Variants in WHRN observed in about 807,000 individuals in gnomAD.
WHRN encodes the protein CASK-interacting protein CIP98.
WHRN carries 41 observed loss-of-function variants against 68.3 expected under a neutral mutation model. The observed-to-expected ratio is 0.60, with a 90% CI of 0.47 to 0.78. WHRN has a LOEUF of 0.78. WHRN is among the 30% of genes least tolerant of loss of function. The pLI is 0.00. For missense variants in WHRN, 1,243 were observed against 1,244.7 expected (o/e 1.00, Z 0.02); for synonymous variants, 560 against 561.3 (o/e 1.00, Z 0.03).
At chr9:114,431,331 G>A (rs1251993645) in intron 3 of WHRN, among the ~76,000 whole-genome samples, 4 of 152,230 alleles carry the variant, frequency 2.6e-5, no homozygotes, top group Non-Finnish European at 4.4e-5. Flanking sequence ...GACACATCAG[G>A]CTTTCCATGG....
rs76820775 is a variant in WHRN at position 114,486,693 on chromosome 9, A to G, written c.619-7922T>C. Among the ~76,000 whole-genome samples the G allele has an allele frequency of 4.6e-4, 70 of 152,012 alleles. 1 individual carries two copies. The East Asian group carries it at 0.012, about 26-fold the overall frequency. ...ATGGAATTTGGAGAGACAAGTGAAG[A>G]AAGTGTGGTTAAGAGCCACAGCCCT... On this transcript the variant is annotated intron_variant, in intron 1 of 11. Coordinates refer to ENST00000362057, the MANE Select transcript of WHRN (RefSeq NM_015404.4).
intron 3 of WHRN, among the ~76,000 whole-genome samples, chr9:114,441,852 A>G (rs1838401525): frequency 6.6e-6 from 1 of 152,234 alleles, no homozygotes; most frequent in Non-Finnish European, 1.5e-5. Flanking sequence ...CAGAATATTT[A>G]CAGTCTCAAA....
chr9:114,426,457 G>A (rs1836870742), intron 3 of WHRN, 44 bp from the exon 4 acceptor site: 6 of 1,608,460 alleles, frequency 3.7e-6, no homozygotes, highest in Middle Eastern at 1.7e-4. Flanking sequence ...GCTGTTTGCA[G>A]GATTCACACT....
At chr9:114,433,192 C>T (rs538825668) in intron 3 of WHRN, among the ~76,000 whole-genome samples, 20 of 152,348 alleles carry the variant, frequency 1.3e-4, no homozygotes, top group African/African-American at 4.6e-4. Flanking sequence ...GGGCTTTAGG[C>T]CATGCACTCA....
At chr9:114,494,110 T>C (rs1843247949) in intron 1 of WHRN, among the ~76,000 whole-genome samples, 1 of 152,208 alleles carries the variant, frequency 6.6e-6, no homozygotes, top group Admixed American at 6.5e-5. Context: ...CGGGGGGGTA[T>C]GGTGAAGTGT....
chr9:114,481,804 G>A (rs1842111740), intron 1 of WHRN, among the ~76,000 whole-genome samples: 1 of 152,264 alleles, frequency 6.6e-6, no homozygotes, highest in African/African-American at 2.4e-5. Flanking sequence ...ACAGGCTGCA[G>A]CCTGGTGAGA....
chr9:114,436,227 G>A (rs1255369406), intron 3 of WHRN, among the ~76,000 whole-genome samples: 1 of 152,208 alleles, frequency 6.6e-6, no homozygotes, highest in East Asian at 1.9e-4. Context: ...CTCAGGGAAG[G>A]ATGAGAAGTA....
chr9:114,437,612 C>T (rs1837976321), intron 3 of WHRN, among the ~76,000 whole-genome samples: 1 of 152,144 alleles, frequency 6.6e-6, no homozygotes, highest in South Asian at 2.1e-4. Flanking sequence ...AGGGTTGGTG[C>T]CCTTTATAAG....
At chr9:114,452,756 GC>G (rs1213323676) in intron 3 of WHRN, among the ~76,000 whole-genome samples, 1 of 152,204 alleles carries the variant, frequency 6.6e-6, no homozygotes, top group African/African-American at 2.4e-5. Flanking sequence ...GCCATCTTCA[GC>G]TCCTCCCTGA....
intron 1 of WHRN, among the ~76,000 whole-genome samples, chr9:114,494,058 C>T (rs569442145): frequency 3.3e-4 from 51 of 152,316 alleles, no homozygotes; most frequent in Admixed American, 7.8e-4. Flanking sequence ...ACTGTGTGCC[C>T]GTGATGGGTC....
At chr9:114,428,227 GAGGC>G (rs1358815252) in intron 3 of WHRN, among the ~76,000 whole-genome samples, 1 of 152,236 alleles carries the variant, frequency 6.6e-6, no homozygotes, top group East Asian at 1.9e-4. Flanking sequence ...TCGGGAGGCT[GAGGC>G]AGGAGGATTG....
intron 1 of WHRN, among the ~76,000 whole-genome samples, chr9:114,481,365 G>A (rs759939517): frequency 5.8e-4 from 89 of 152,362 alleles, no homozygotes; most frequent in Non-Finnish European, 1.0e-3. Context: ...AAGATGCACA[G>A]GGTAAGATTT....
At chr9:114,411,716 T>C (rs1044477670) in intron 7 of WHRN, among the ~76,000 whole-genome samples, 2 of 152,146 alleles carry the variant, frequency 1.3e-5, no homozygotes, top group African/African-American at 4.8e-5. Flanking sequence ...CATTTGATCC[T>C]CCCAATGACC....
At chr9:114,452,912 C>G (rs1181135541) in intron 3 of WHRN, among the ~76,000 whole-genome samples, 1 of 152,190 alleles carries the variant, frequency 6.6e-6, no homozygotes, top group Non-Finnish European at 1.5e-5. Flanking sequence ...CAGCATAGAG[C>G]CCCGTTGCCA....
At chr9:114,501,841 G>A (rs568142751) in intron 1 of WHRN, among the ~76,000 whole-genome samples, 47 of 152,334 alleles carry the variant, frequency 3.1e-4, no homozygotes, top group African/African-American at 1.1e-3. Context: ...ACAAAGAACG[G>A]CTCCCCGTGG....
chr9:114,478,069 C>T (rs527813818), intron 2 of WHRN, among the ~76,000 whole-genome samples: 1 of 152,022 alleles, frequency 6.6e-6, no homozygotes, highest in Non-Finnish European at 1.5e-5. Context: ...AACTGTCCCC[C>T]AGATGAGACT....
intron 2 of WHRN, among the ~76,000 whole-genome samples, chr9:114,467,282 G>A (rs1013281878): frequency 1.3e-5 from 2 of 152,082 alleles, no homozygotes; most frequent in Admixed American, 6.5e-5. Flanking sequence ...ATGCAGTCCC[G>A]GTGCTGGGGC....
rs1367785049 is a variant in WHRN at position 114,453,985 on chromosome 9, C to T, written c.963+12282G>A. On this transcript the variant is annotated intron_variant, in intron 3 of 11. Transcript: ENST00000362057. ...TTTATCACAACCAAGAGTGTTTATA[C>T]AAGGAATGCAAGGCTGTTTCAACAT... Among the ~76,000 whole-genome samples the T allele has an allele frequency of 2.0e-5, 3 of 152,100 alleles. No homozygotes were observed. The East Asian group carries it at 5.8e-4, about 29-fold the overall frequency.
At chr9:114,422,267 C>A (rs911223181) in intron 7 of WHRN, among the ~76,000 whole-genome samples, 2 of 152,216 alleles carry the variant, frequency 1.3e-5, no homozygotes, top group African/African-American at 4.8e-5. Flanking sequence ...ACTGCCTTTC[C>A]ATAGAAGAGT....
Sources: gnomAD v4.1 joint callset for allele counts (sites outside exome capture counted in the v4.1 genomes callset) on GRCh38, gnomAD v4.1.1 for gene constraint, MANE v1.5 for transcripts, NCBI Gene and HGNC (gene_info 2026-07-23, HGNC 2026-07-21) for gene names.